Variants in EML6 observed in about 807,000 individuals in gnomAD.
EML6 encodes echinoderm microtubule-associated protein-like 6.
A neutral mutation model predicts 240.1 loss-of-function variants in EML6; 154 were observed. That is an observed-to-expected ratio of 0.64 (90% confidence interval 0.56 to 0.73). The LOEUF is 0.73. EML6 is among the 30% of genes least tolerant of loss of function. EML6 has a pLI of 0.00. For missense variants in EML6, 2,964 were observed against 2,474.6 expected (o/e 1.20, Z -4.20); for synonymous variants, 1,148 against 899.0 (o/e 1.28, Z -4.95).
chr2:54,869,086 T>C (rs1394176991), intron 14 of EML6, 95 bp from the exon 15 acceptor site: 1 of 762,618 alleles, frequency 1.3e-6, no homozygotes, highest in Non-Finnish European at 2.1e-6. Flanking sequence ...CTTGTACATG[T>C]TCACGTCAAT....
intron 28 of EML6, among the ~76,000 whole-genome samples, chr2:54,933,446 A>C (rs761431459): frequency 5.3e-5 from 8 of 152,080 alleles, no homozygotes; most frequent in Non-Finnish European, 1.2e-4. Flanking sequence ...AAACTATTCT[A>C]TATATAGGCC....
intron 7 of EML6, among the ~76,000 whole-genome samples, chr2:54,831,509 C>T (rs891289191): frequency 8.5e-5 from 13 of 152,122 alleles, no homozygotes; most frequent in Admixed American, 2.0e-4. Flanking sequence ...CAGTCAGCGA[C>T]GCCCTCCGTT....
intron 21 of EML6, among the ~76,000 whole-genome samples, chr2:54,898,298 A>G (rs1672875669): frequency 6.6e-6 from 1 of 152,156 alleles, no homozygotes; most frequent in Non-Finnish European, 1.5e-5. Context: ...TTTGATGTCA[A>G]TATAAGGCAG....
At chr2:54,882,877 A>AAAAAAAAG (rs1238823372) in intron 17 of EML6, 11 of 146,574 alleles carry the variant, frequency 7.5e-5, no homozygotes, top group African/African-American at 2.7e-4. Flanking sequence ...AAAAAAAAGA[A>AAAAAAAAG]AGCTTAGGGA....
intron 22 of EML6, among the ~76,000 whole-genome samples, chr2:54,901,102 T>A (rs1673032257): frequency 6.6e-6 from 1 of 152,226 alleles, no homozygotes; most frequent in South Asian, 2.1e-4. Flanking sequence ...CTATGCCAGC[T>A]CTTTCCATGT....
intron 24 of EML6, 48 bp downstream of exon 24, chr2:54,903,550 T>C (rs1056415948): frequency 6.7e-7 from 1 of 1,502,716 alleles, no homozygotes; most frequent in South Asian, 1.3e-5. Flanking sequence ...GTTTAAAAAA[T>C]GTCCATTTAT....
chr2:54,893,555 A>C (rs1672594721), intron 19 of EML6, among the ~76,000 whole-genome samples: 1 of 152,162 alleles, frequency 6.6e-6, no homozygotes, highest in African/African-American at 2.4e-5. Context: ...TTTCAACATG[A>C]GTTTTGGAGG....
chr2:54,957,522 G>T (rs996399070), intron 32 of EML6, among the ~76,000 whole-genome samples: 1 of 152,142 alleles, frequency 6.6e-6, no homozygotes, highest in Non-Finnish European at 1.5e-5. Context: ...ATATCTGGAA[G>T]CTTCCATCTC....
chr2:54,877,147 T>G (rs773250638), intron 16 of EML6, among the ~76,000 whole-genome samples: 2 of 151,982 alleles, frequency 1.3e-5, no homozygotes, highest in East Asian at 3.9e-4. Context: ...CATGCTTAGC[T>G]AATTTTTTTG....
At chr2:54,778,645 T>C (rs1668701783) in intron 2 of EML6, among the ~76,000 whole-genome samples, 2 of 151,942 alleles carry the variant, frequency 1.3e-5, no homozygotes, top group South Asian at 2.1e-4. Context: ...TCCCAGCACT[T>C]TGGGAGGCCG....
intron 26 of EML6, among the ~76,000 whole-genome samples, chr2:54,917,798 G>C (rs10496034): frequency 0.076 from 11,596 of 151,992 alleles, 695 homozygotes; most frequent in South Asian, 0.22. Context: ...CTTTCTAGTT[G>C]CTTCAGCCAT....
intron 24 of EML6, among the ~76,000 whole-genome samples, chr2:54,910,662 T>C (rs1413883861): frequency 2.1e-5 from 3 of 143,916 alleles, no homozygotes; most frequent in South Asian, 2.5e-4. Flanking sequence ...TTTGGAAAAC[T>C]ATATTTTCAG....
intron 24 of EML6, among the ~76,000 whole-genome samples, chr2:54,907,380 G>A (rs573702437): frequency 1.3e-5 from 2 of 152,186 alleles, no homozygotes; most frequent in African/African-American, 2.4e-5. Context: ...GGTGGCGGGC[G>A]CCTGTAATCC....
At chr2:54,844,808 A>G (rs192876955) in intron 8 of EML6, among the ~76,000 whole-genome samples, 1 of 152,324 alleles carries the variant, frequency 6.6e-6, no homozygotes, top group Admixed American at 6.5e-5. Flanking sequence ...GATCATTTTT[A>G]TTCTTTTGAG....
chr2:54,837,043 C>G (rs1351287440), intron 7 of EML6, among the ~76,000 whole-genome samples: 1 of 152,154 alleles, frequency 6.6e-6, no homozygotes, highest in Non-Finnish European at 1.5e-5. Flanking sequence ...TTTCCACACC[C>G]TCTACCAATA....
intron 7 of EML6, among the ~76,000 whole-genome samples, chr2:54,842,373 CA>C (rs1471971357): frequency 6.6e-6 from 1 of 152,164 alleles, no homozygotes. Context: ...TCAAATACTT[CA>C]AAGTATTATG....
intron 34 of EML6, among the ~76,000 whole-genome samples, chr2:54,959,688 G>T (rs1283036118): frequency 6.6e-6 from 1 of 152,180 alleles, no homozygotes; most frequent in Non-Finnish European, 1.5e-5. Flanking sequence ...CTGGAACCCA[G>T]GAAGCGGAGG....
chr2:54,752,630 C>A (rs2103713424), intron 2 of EML6, among the ~76,000 whole-genome samples: 1 of 152,292 alleles, frequency 6.6e-6, no homozygotes, highest in South Asian at 2.1e-4. Flanking sequence ...AGCATTCGTT[C>A]ATTCTTTTTC....
At chr2:54,860,983 A>T (rs1307744605) in intron 12 of EML6, among the ~76,000 whole-genome samples, 1 of 152,198 alleles carries the variant, frequency 6.6e-6, no homozygotes, top group Non-Finnish European at 1.5e-5. Context: ...GTTTACAAAC[A>T]CTTACAGGAG....
Sources: gnomAD v4.1 joint callset for allele counts (sites outside exome capture counted in the v4.1 genomes callset) on GRCh38, gnomAD v4.1.1 for gene constraint, MANE v1.5 for transcripts, NCBI Gene and HGNC (gene_info 2026-07-23, HGNC 2026-07-21) for gene names.